The following DCAF8 variants were observed in gnomAD, a reference collection of about 807,000 sequenced individuals.
The protein encoded by DCAF8 is DDB1- and CUL4-associated factor 8.
In DCAF8, 20 loss-of-function variants were observed where a neutral mutation model predicts 68.0. The observed-to-expected ratio is 0.29, with a 90% CI of 0.21 to 0.43. The LOEUF (loss-of-function observed/expected upper bound fraction) is 0.43. Among genes scored for constraint, DCAF8 ranks in the 20% least tolerant of loss-of-function variants. DCAF8 has a pLI of 1.00. For synonymous variants in DCAF8, 230 were observed against 276.9 expected (o/e 0.83, Z 1.68); for missense variants, 460 against 771.0 (o/e 0.60, Z 4.78).
chr1:160,237,173 A>G lies in DCAF8; in HGVS notation c.921T>C (p.Val307=). The G allele has an allele frequency of 6.3e-7, 1 of 1,578,120 alleles. No homozygotes were observed. Among genetic ancestry groups the G allele is most frequent in the Non-Finnish European group, 8.6e-7 (1 of 1,159,622 alleles). ...CTTGTCTCAGGTCAATGGTGAAAAC[A>G]ACTGCATCTTCACCTGCAGATAAGA... ...CTFLSAGEDA[V]VFTIDLRQDR... The change falls in exon 6 of 14, where the codon GTT becomes GTC. Residue 307 remains valine, a synonymous_variant. Transcript: ENST00000368074.
At chr1:160,248,636 G>A (rs1253262458) in intron 2 of DCAF8, among the ~76,000 whole-genome samples, 1 of 152,026 alleles carries the variant, frequency 6.6e-6, no homozygotes, top group East Asian at 1.9e-4. Context: ...TAGGGAGGAG[G>A]AGGTTGCAGT....
chr1:160,217,518 G>T lies in DCAF8; in HGVS notation c.*74C>A. The stretch of plus-strand genomic sequence containing the variant: ...AAAGTGCGTTTCTGCTGAATGTAGG[G>T]CCTGGGACAGGAAAGGGTTGCCCAG... On this transcript the variant is annotated 3_prime_UTR_variant, in exon 14 of 14. Transcript: ENST00000368074. The T allele has an allele frequency of 1.8e-6, 2 of 1,103,640 alleles. No homozygotes were observed. The highest frequency in any genetic ancestry group is 2.7e-6 in the Non-Finnish European group (2 of 746,002). The allele number at this position is 1,103,640 out of a possible 1,614,324, so 68.4% of individuals were successfully genotyped here.
chr1:160,218,478 G>A (rs1655196526), intron 12 of DCAF8, 38 bp from the exon 13 acceptor site: 4 of 1,492,766 alleles, frequency 2.7e-6, no homozygotes, highest in African/African-American at 1.4e-5. Flanking sequence ...GGGCAGCAAT[G>A]AAGAGGAACC....
chr1:160,256,132 T>A (rs1288683962), intron 2 of DCAF8, among the ~76,000 whole-genome samples: 2 of 149,214 alleles, frequency 1.3e-5, no homozygotes, highest in African/African-American at 2.5e-5. Flanking sequence ...GGATTACAGG[T>A]ACATGCCACT....
intron 2 of DCAF8, among the ~76,000 whole-genome samples, chr1:160,252,952 A>T (rs1656657520): frequency 6.6e-6 from 1 of 152,206 alleles, no homozygotes; most frequent in African/African-American, 2.4e-5. Context: ...TAAGTTTGGA[A>T]CTTAAATAAA....
Position 160,219,094 on chromosome 1 carries a change from C to T in DCAF8, c.1441-126G>A, listed in dbSNP as rs572379364. 3.9e-5 allele frequency: 53 copies of T among 1,355,618 alleles called. No homozygotes were observed. The African/African-American group carries it at 4.1e-4, about 10-fold the overall frequency. 84.0% of individuals were successfully genotyped at this position (1,355,618 alleles called of 1,614,324 possible). A position where few individuals can be genotyped will look rare whatever the true frequency, so the allele number is the denominator to read the frequency against. ...TGAGGCAGCTGCTGGGGAAGGGAGG[C>T]CCACCCATCCTGAGCCTAAGCCAAA... is the stretch of plus-strand genomic sequence containing the variant. On this transcript the variant is annotated intron_variant, in intron 11 of 13. Coordinates refer to ENST00000368074, the MANE Select transcript of DCAF8 (RefSeq NM_015726.4).
chr1:160,252,570 T>C (rs975212550), intron 2 of DCAF8, among the ~76,000 whole-genome samples: 2 of 152,134 alleles, frequency 1.3e-5, no homozygotes, highest in Non-Finnish European at 2.9e-5. Context: ...AGCTTTGTTG[T>C]TGGGGGGCAG....
intron 1 of DCAF8, 63 bp downstream of exon 1, chr1:160,262,386 C>G: frequency 5.0e-6 from 2 of 399,738 alleles, no homozygotes. Flanking sequence ...CTAGCGGCTG[C>G]TCCGACTGTT....
intron 4 of DCAF8, chr1:160,238,990 C>T: frequency 1.8e-6 from 1 of 544,300 alleles, no homozygotes; most frequent in Admixed American, 4.4e-5. Flanking sequence ...ATTGAACTGG[C>T]ACATGATAAG....
intron 6 of DCAF8, among the ~76,000 whole-genome samples, chr1:160,231,775 CTTTA>C (rs1465863770): frequency 6.6e-6 from 1 of 152,174 alleles, no homozygotes; most frequent in Non-Finnish European, 1.5e-5. Flanking sequence ...CCTTCCTACC[CTTTA>C]TTTATAAATA....
chr1:160,262,297 G>T, intron 1 of DCAF8, 152 bp downstream of exon 1: 1 of 399,274 alleles, frequency 2.5e-6, no homozygotes, highest in Non-Finnish European at 4.4e-6. Flanking sequence ...AGGGAGGGGG[G>T]GTGTCCGGCT....
intron 7 of DCAF8, among the ~76,000 whole-genome samples, chr1:160,230,912 T>G (rs1655658530): frequency 6.6e-6 from 1 of 152,024 alleles, no homozygotes; most frequent in South Asian, 2.1e-4. Flanking sequence ...CCACCATGCC[T>G]GGCTAATTTT....
intron 2 of DCAF8, among the ~76,000 whole-genome samples, chr1:160,251,704 G>C (rs1045831733): frequency 2.6e-5 from 4 of 152,134 alleles, no homozygotes; most frequent in Non-Finnish European, 5.9e-5. Context: ...CTGGACTCAA[G>C]TGATCCACCT....
rs1264542096 is a variant in DCAF8 at position 160,261,304 on chromosome 1, G to T, written c.-46C>A. ...ACTCACCTTTCCTCCTTTTATCACT[G>T]AAGTAAGGCCAGGCTGAGCTCCTGA... On this transcript the variant is annotated 5_prime_UTR_variant, in exon 2 of 14. Transcript: ENST00000368074. The T allele has an allele frequency of 2.0e-5, 3 of 152,198 alleles. No homozygotes were observed. The highest frequency in any genetic ancestry group is 2.9e-5 in the Non-Finnish European group (2 of 68,062). 9.4% of individuals were successfully genotyped at this position (152,198 alleles called of 1,614,324 possible).
At chr1:160,223,457 G>A (rs75011122) in intron 10 of DCAF8, among the ~76,000 whole-genome samples, 272 of 152,252 alleles carry the variant, frequency 1.8e-3, no homozygotes, top group Middle Eastern at 0.01. Context: ...ATCATGACAG[G>A]TATCTGCTAG....
intron 2 of DCAF8, among the ~76,000 whole-genome samples, chr1:160,257,914 AGAGACAAGGTCTCAATATT>A (rs1656902971): frequency 6.6e-6 from 1 of 152,126 alleles, no homozygotes; most frequent in African/African-American, 2.4e-5. Flanking sequence ...AACTTTTTGT[AGAGACAAGGTCTCAATATT>A]GCCTAGGCTG....
At chr1:160,225,895 G>C (rs552278852) in intron 7 of DCAF8, among the ~76,000 whole-genome samples, 3 of 152,228 alleles carry the variant, frequency 2.0e-5, no homozygotes, top group African/African-American at 7.2e-5. Flanking sequence ...CCAGGCTGTA[G>C]TGCAGTGGCA....
At chr1:160,223,422 C>T (rs1655362612) in intron 10 of DCAF8, among the ~76,000 whole-genome samples, 1 of 152,172 alleles carries the variant, frequency 6.6e-6, no homozygotes, top group African/African-American at 2.4e-5. Flanking sequence ...TAAAACTAAC[C>T]TCTAACTGCT....
intron 2 of DCAF8, among the ~76,000 whole-genome samples, chr1:160,252,035 C>A (rs766649195): frequency 1.3e-4 from 20 of 152,226 alleles, no homozygotes; most frequent in Non-Finnish European, 2.6e-4. Flanking sequence ...TACAAACAAC[C>A]CAACTGCAGA....
Sources: allele counts gnomAD v4.1 joint callset (sites outside exome capture counted in the v4.1 genomes callset), GRCh38; gene constraint gnomAD v4.1.1; transcripts MANE v1.5; gene names NCBI Gene and HGNC (gene_info 2026-07-23, HGNC 2026-07-21).